Variants in HIBADH observed in about 807,000 individuals in gnomAD.
HIBADH encodes 3-hydroxyisobutyrate dehydrogenase, mitochondrial.
In HIBADH, 25 loss-of-function variants were observed where a neutral mutation model predicts 36.1. The observed-to-expected ratio is 0.69, with a 90% CI of 0.50 to 0.97. The LOEUF is 0.97. Ranked by LOEUF, HIBADH falls within the 50% of genes least tolerant of loss-of-function variation. The pLI is 0.00. For synonymous variants in HIBADH, 160 were observed against 149.5 expected (o/e 1.07, Z -0.51); for missense variants, 421 against 418.0 (o/e 1.01, Z -0.06).
chr7:27,613,084 TTA>T (rs1785353415), intron 4 of HIBADH, among the ~76,000 whole-genome samples: 2 of 127,198 alleles, frequency 1.6e-5, no homozygotes, highest in Non-Finnish European at 3.2e-5. Context: ...CATATAAAAA[TTA>T]TATAAATTAT....
At chr7:27,528,239 T>A (rs1195101472) in intron 7 of HIBADH, among the ~76,000 whole-genome samples, 1 of 152,004 alleles carries the variant, frequency 6.6e-6, no homozygotes, top group Admixed American at 6.6e-5. Flanking sequence ...CACAAAATAT[T>A]GAAATTAGGC....
chr7:27,597,221 G>A (rs1785046307), intron 4 of HIBADH, among the ~76,000 whole-genome samples: 1 of 152,102 alleles, frequency 6.6e-6, no homozygotes, highest in Non-Finnish European at 1.5e-5. Context: ...TAATCTGTAA[G>A]ATGACAGAAA....
chr7:27,608,667 T>C (rs775781769), intron 4 of HIBADH, among the ~76,000 whole-genome samples: 6 of 152,182 alleles, frequency 3.9e-5, no homozygotes, highest in Non-Finnish European at 8.8e-5. Context: ...ACATAGAGTA[T>C]ACTGGAACTA....
chr7:27,539,602 T>C (rs1784116739), intron 5 of HIBADH, among the ~76,000 whole-genome samples: 1 of 152,146 alleles, frequency 6.6e-6, no homozygotes, highest in Non-Finnish European at 1.5e-5. Flanking sequence ...TTGAAGTCCA[T>C]GGGTTATTGC....
chr7:27,543,316 T>C (rs1784186847), intron 4 of HIBADH, among the ~76,000 whole-genome samples: 1 of 152,116 alleles, frequency 6.6e-6, no homozygotes, highest in African/African-American at 2.4e-5. Context: ...ACAGATTCAG[T>C]TGTACTCTCA....
At chr7:27,577,512 T>C (rs943633335) in intron 4 of HIBADH, among the ~76,000 whole-genome samples, 2 of 152,164 alleles carry the variant, frequency 1.3e-5, no homozygotes, top group Admixed American at 6.5e-5. Flanking sequence ...AAAAGACCCA[T>C]ATCCTTGTAA....
At chr7:27,640,708 T>C (rs998423700) in intron 2 of HIBADH, among the ~76,000 whole-genome samples, 7 of 152,250 alleles carry the variant, frequency 4.6e-5, no homozygotes, top group African/African-American at 1.4e-4. Flanking sequence ...GGCTATTTCA[T>C]GTTGCACGAA....
At position 27,576,900 on chromosome 7, in the gene HIBADH, T is replaced by C. The variant is rs548215784; in HGVS notation, c.485-33800A>G. 1.3e-5 allele frequency among the ~76,000 whole-genome samples: 2 copies of C among 152,294 alleles called. 1 individual carries two copies. The highest frequency in any genetic ancestry group is 4.8e-5 in the African/African-American group (2 of 41,572). On this transcript the variant is annotated intron_variant, in intron 4 of 7. Transcript: ENST00000265395. ...AGAAATGAAATCAACATTAATACAA[T>C]TGTCATGCTACTATCTATTCACTGC... is the stretch of plus-strand genomic sequence containing the variant.
At position 27,543,070 on chromosome 7, in the gene HIBADH, G is replaced by C; in HGVS notation, c.515C>G (p.Thr172Arg). Residue 172 changes from threonine to arginine, a missense_variant, in exon 5 of 8, where the codon ACG (threonine) becomes AGG (arginine). Transcript: ENST00000265395. The stretch of plus-strand genomic sequence containing the variant: ...ATCTTCAACTCCTCCCACCATAAAC[G>C]TGAGGTTCCCAGATCGTGCAGCTCC... ...GVGAARSGNL[T>R]FMVGGVEDEF... is the part of the protein sequence containing the mutation. The C allele has an allele frequency of 6.2e-7, 1 of 1,613,644 alleles. No individual in the cohort carries two copies. The highest frequency in any genetic ancestry group is 8.5e-7 in the Non-Finnish European group (1 of 1,179,794).
At chr7:27,565,314 G>A (rs1347654873) in intron 4 of HIBADH, among the ~76,000 whole-genome samples, 3 of 152,088 alleles carry the variant, frequency 2.0e-5, no homozygotes, top group African/African-American at 4.8e-5. Flanking sequence ...CCTCCTGATC[G>A]ACCCTGATGC....
chr7:27,573,471 G>C (rs1472547285), intron 4 of HIBADH, among the ~76,000 whole-genome samples: 1 of 152,182 alleles, frequency 6.6e-6, no homozygotes, highest in Non-Finnish European at 1.5e-5. Flanking sequence ...GACTAGACTA[G>C]AGTATGAGCT....
At chr7:27,562,536 C>T (rs1784482792) in intron 4 of HIBADH, among the ~76,000 whole-genome samples, 1 of 152,168 alleles carries the variant, frequency 6.6e-6, no homozygotes, top group African/African-American at 2.4e-5. Flanking sequence ...CTGTTGCCCA[C>T]ACTGATGTGC....
At chr7:27,558,503 A>AT (rs1414803671) in intron 4 of HIBADH, among the ~76,000 whole-genome samples, 2 of 151,876 alleles carry the variant, frequency 1.3e-5, no homozygotes, top group African/African-American at 2.4e-5. Flanking sequence ...ACTTTTTTGT[A>AT]TTTTTTTGTA....
intron 4 of HIBADH, among the ~76,000 whole-genome samples, chr7:27,583,767 A>T (rs1241809101): frequency 2.6e-5 from 4 of 152,148 alleles, no homozygotes; most frequent in South Asian, 4.1e-4. Context: ...ATTTTTGAGG[A>T]CACAAAAGCT....
intron 4 of HIBADH, among the ~76,000 whole-genome samples, chr7:27,549,134 C>T (rs1412085982): frequency 6.6e-6 from 1 of 151,178 alleles, no homozygotes; most frequent in Non-Finnish European, 1.5e-5. Context: ...GTTTGCTTAT[C>T]AGAGCAAAAA....
At chr7:27,541,691 T>C in intron 5 of HIBADH, 1 of 410,926 alleles carries the variant, frequency 2.4e-6, no homozygotes, top group Non-Finnish European at 4.8e-6. Flanking sequence ...TTAGGAGCAC[T>C]TCCAGCATCA....
intron 4 of HIBADH, among the ~76,000 whole-genome samples, chr7:27,579,278 G>A (rs1784757364): frequency 6.6e-6 from 1 of 152,154 alleles, no homozygotes; most frequent in Admixed American, 6.5e-5. Flanking sequence ...AAGGCTGAAT[G>A]GTTCCACCAA....
At chr7:27,535,242 A>C (rs117027536) in intron 6 of HIBADH, among the ~76,000 whole-genome samples, 1 of 152,098 alleles carries the variant, frequency 6.6e-6, no homozygotes, top group East Asian at 1.9e-4. Flanking sequence ...ACAAAGAACA[A>C]GCTTTTTGGC....
intron 4 of HIBADH, among the ~76,000 whole-genome samples, chr7:27,580,185 GGCATTTCTCAATACA>G (rs2128287307): frequency 6.6e-6 from 1 of 152,230 alleles, no homozygotes; most frequent in African/African-American, 2.4e-5. Flanking sequence ...GACTATACTA[GGCATTTCTCAATACA>G]AGAATCATGC....
Sources: allele counts gnomAD v4.1 joint callset (sites outside exome capture counted in the v4.1 genomes callset), GRCh38; gene constraint gnomAD v4.1.1; transcripts MANE v1.5; gene names NCBI Gene and HGNC (gene_info 2026-07-23, HGNC 2026-07-21).